Variants in NECTIN1 observed in about 807,000 individuals in gnomAD.
NECTIN1 encodes nectin-1.
A neutral mutation model predicts 48.0 loss-of-function variants in NECTIN1; 23 were observed. The observed-to-expected ratio is 0.48, with a 90% confidence interval of 0.34 to 0.68. The LOEUF (loss-of-function observed/expected upper bound fraction) is 0.68. Among genes scored for constraint, NECTIN1 ranks in the 30% least tolerant of loss-of-function variants. NECTIN1 has a pLI of 0.01. For missense variants in NECTIN1, 591 were observed against 709.9 expected (o/e 0.83, Z 1.90); for synonymous variants, 270 against 288.9 (o/e 0.93, Z 0.66).
chr11:119,640,063 C>T, intron 5 of NECTIN1: 1 of 1,526,530 alleles, frequency 6.6e-7, no homozygotes, highest in Admixed American at 1.9e-5. Context: ...TCAAGTGACC[C>T]AAAGAGAGTC....
chr11:119,682,167 G>A (rs976355323), intron 1 of NECTIN1, among the ~76,000 whole-genome samples: 3 of 152,180 alleles, frequency 2.0e-5, no homozygotes, highest in African/African-American at 7.2e-5. Context: ...TCTTTAGATT[G>A]GGAGGTTTTC....
At chr11:119,674,090 C>T (rs1031968201) in intron 5 of NECTIN1, among the ~76,000 whole-genome samples, 12 of 152,198 alleles carry the variant, frequency 7.9e-5, no homozygotes, top group African/African-American at 1.4e-4. Flanking sequence ...CTCCCACTCC[C>T]GAGACACTGG....
At chr11:119,717,265 C>T (rs1348321882) in intron 1 of NECTIN1, among the ~76,000 whole-genome samples, 1 of 152,232 alleles carries the variant, frequency 6.6e-6, no homozygotes, top group African/African-American at 2.4e-5. Flanking sequence ...CAGAGGCAGG[C>T]CGGGAGCAGG....
At chr11:119,711,637 G>A (rs1044609154) in intron 1 of NECTIN1, among the ~76,000 whole-genome samples, 7 of 152,128 alleles carry the variant, frequency 4.6e-5, no homozygotes, top group Non-Finnish European at 1.0e-4. Flanking sequence ...TGGGAGCCTC[G>A]CATTTCACAG....
chr11:119,679,397 C>T (rs931458734), intron 1 of NECTIN1, among the ~76,000 whole-genome samples: 6 of 152,166 alleles, frequency 3.9e-5, no homozygotes, highest in African/African-American at 7.2e-5. Flanking sequence ...TCTTCTCCCT[C>T]GCAGCTGAGT....
At position 119,662,797 on chromosome 11, in the gene NECTIN1, T is replaced by G; in HGVS notation, c.*1950A>C. 1.0e-6 allele frequency: 1 copy of G among 986,246 alleles called. No individual in the cohort carries two copies. Among genetic ancestry groups the G allele is most frequent in the Non-Finnish European group, 1.2e-6 (1 of 830,334 alleles). 61.1% of individuals were successfully genotyped at this position (986,246 alleles called of 1,614,324 possible). ...CCCTCTGCCCTGTGGCTGGAAAGAC[T>G]CCACAATTTTCTCCCCTAACTTCAC... is the stretch of plus-strand genomic sequence containing the variant. On this transcript the variant is annotated 3_prime_UTR_variant, in exon 6 of 6. Transcript: ENST00000264025. This position sits in a 1 kb window ranked among gnomAD's most constrained non-coding sequence, Gnocchi z 5.3.
In NECTIN1 at chr11:119,678,879, G is replaced by A. The variant is rs903072241; in HGVS notation, c.80-114C>T. On this transcript the variant is annotated intron_variant, in intron 1 of 5. Transcript: ENST00000264025. The surrounding 1 kb of genome is among the most constrained non-coding windows in gnomAD (Gnocchi z 4.4). ...TAGCAGTCATTATTGTTTTTATTCC[G>A]ATTGTAAAAATATTAATTACTTGTT... is the stretch of plus-strand genomic sequence containing the variant. 7.1e-5 allele frequency: 53 copies of A among 741,504 alleles called. No homozygotes were observed. In the African/African-American group the frequency reaches 7.7e-4, roughly 11 times the overall value. 45.9% of individuals were successfully genotyped at this position (741,504 alleles called of 1,614,324 possible). A position where few individuals can be genotyped will look rare whatever the true frequency, so the allele number is the denominator to read the frequency against.
chr11:119,685,386 G>C (rs1041519826), intron 1 of NECTIN1, among the ~76,000 whole-genome samples: 3 of 152,224 alleles, frequency 2.0e-5, no homozygotes, highest in Admixed American at 2.0e-4. Context: ...GGGCACGGCG[G>C]CCTGGGAAAA....
chr11:119,668,901 C>T (rs1207142131), intron 5 of NECTIN1, among the ~76,000 whole-genome samples: 1 of 152,180 alleles, frequency 6.6e-6, no homozygotes, highest in Admixed American at 6.5e-5. Flanking sequence ...GGGATTGACT[C>T]ATTTCAGTGT....
In NECTIN1 at chr11:119,678,668, G is replaced by A. The variant is rs139418917; in HGVS notation, c.177C>T (p.Ser59=). The change falls in exon 2 of 6, where the codon AGC becomes AGT. Residue 59 remains serine (S), a synonymous_variant. Coordinates refer to ENST00000264025, the MANE Select transcript of NECTIN1 (RefSeq NM_002855.5). The surrounding 1 kb of genome is among the most constrained non-coding windows in gnomAD (Gnocchi z 4.4). ...LHCSFANPLP[S]VKITQVTWQK... ...GCCATGTGACCTGGGTGATCTTCAC[G>A]CTGGGAAGCGGGTTGGCAAAGCTGC... is the stretch of plus-strand genomic sequence containing the variant. 3.7e-5 allele frequency: 59 copies of A among 1,614,022 alleles called. No individual in the cohort carries two copies. In the African/African-American group the frequency reaches 5.1e-4, roughly 14 times the overall value.
chr11:119,647,828 C>T (rs561234448), intron 5 of NECTIN1, among the ~76,000 whole-genome samples: 19 of 151,984 alleles, frequency 1.3e-4, no homozygotes, highest in Middle Eastern at 3.4e-3. Flanking sequence ...TTTGAGAGGC[C>T]GAGGTGGGTG....
chr11:119,670,990 G>A (rs1179362397), intron 5 of NECTIN1, among the ~76,000 whole-genome samples: 1 of 151,876 alleles, frequency 6.6e-6, no homozygotes, highest in Non-Finnish European at 1.5e-5. Flanking sequence ...GGGATCTTTT[G>A]GGACCAAAGA....
chr11:119,678,835 G>T lies in NECTIN1; in HGVS notation c.80-70C>A. The T allele has an allele frequency of 9.6e-7, 1 of 1,037,164 alleles. No individual in the cohort carries two copies. The highest frequency in any genetic ancestry group is 1.5e-6 in the Non-Finnish European group (1 of 678,226). 64.2% of individuals were successfully genotyped at this position (1,037,164 alleles called of 1,614,324 possible). A position where few individuals can be genotyped will look rare whatever the true frequency, so the allele number is the denominator to read the frequency against. On this transcript the variant is annotated intron_variant, in intron 1 of 5. Coordinates refer to ENST00000264025, the MANE Select transcript of NECTIN1 (RefSeq NM_002855.5). The surrounding 1 kb of genome is among the most constrained non-coding windows in gnomAD (Gnocchi z 4.4). The stretch of plus-strand genomic sequence containing the variant: ...TCCCCCCACCCACACAGTTCCCTGT[G>T]CTCTGGCCTTGTCTTTTATAGCAGT...
intron 5 of NECTIN1, among the ~76,000 whole-genome samples, chr11:119,650,826 G>A (rs1864479962): frequency 6.6e-6 from 1 of 152,166 alleles, no homozygotes; most frequent in South Asian, 2.1e-4. Context: ...ATGTTATAAA[G>A]TATGTTGAAC....
intron 1 of NECTIN1, among the ~76,000 whole-genome samples, chr11:119,686,934 A>C (rs1316347181): frequency 1.3e-5 from 2 of 152,098 alleles, no homozygotes; most frequent in Non-Finnish European, 2.9e-5. Context: ...AGGGGGCCCA[A>C]GTGGCAGGTG....
In NECTIN1 at chr11:119,673,622, C is replaced by T. The variant is rs964069719; in HGVS notation, c.1003+1537G>A. Among the ~76,000 whole-genome samples, 9 of 152,198 alleles carry T rather than the reference C, an allele frequency of 5.9e-5. No homozygotes were observed. Among genetic ancestry groups the T allele is most frequent in the African/African-American group, 1.9e-4 (8 of 41,452 alleles). ...GCTAGGAAGAGCCAGTGTGTGAACA[C>T]TCAGGCCAGGTCTGTGCTGTCTCCC... On this transcript the variant is annotated intron_variant, in intron 5 of 5. Coordinates refer to ENST00000264025, the MANE Select transcript of NECTIN1 (RefSeq NM_002855.5). The surrounding 1 kb of genome is among the most constrained non-coding windows in gnomAD (Gnocchi z 5.8).
chr11:119,645,864 C>T (rs567878309), intron 5 of NECTIN1, among the ~76,000 whole-genome samples: 1 of 152,286 alleles, frequency 6.6e-6, no homozygotes, highest in African/African-American at 2.4e-5. Flanking sequence ...GGTGAGGGAA[C>T]CCACCTAGAG....
intron 1 of NECTIN1, among the ~76,000 whole-genome samples, chr11:119,714,301 C>G (rs2134337737): frequency 6.6e-6 from 1 of 152,276 alleles, no homozygotes; most frequent in Non-Finnish European, 1.5e-5. Context: ...AAGCGGGGTG[C>G]CTCACCCTGA....
At chr11:119,724,917 GTT>G (rs1865887112) in intron 1 of NECTIN1, among the ~76,000 whole-genome samples, 2 of 152,258 alleles carry the variant, frequency 1.3e-5, no homozygotes, top group Admixed American at 1.3e-4. Flanking sequence ...AATGTTTAAA[GTT>G]TTTTTGTTTT....
Sources: allele counts gnomAD v4.1 joint callset (sites outside exome capture counted in the v4.1 genomes callset), GRCh38; gene constraint gnomAD v4.1.1; non-coding constraint Gnocchi (gnomAD v3.1); transcripts MANE v1.5; gene names NCBI Gene and HGNC (gene_info 2026-07-23, HGNC 2026-07-21).